Variants in PHLPP1 observed in about 807,000 individuals in gnomAD.
PHLPP1 encodes PH domain and leucine rich repeat protein phosphatase 1.
Under a neutral mutation model 117.2 loss-of-function variants are expected in PHLPP1, and 42 were observed. The ratio of observed to expected loss-of-function variants is 0.36; its 90% CI spans 0.28 to 0.46. The LOEUF is 0.46. Ranked by LOEUF, PHLPP1 falls within the 20% of genes least tolerant of loss-of-function variation. PHLPP1 has a pLI of 1.00. For missense variants in PHLPP1, 2,084 were observed against 2,241.9 expected, an observed-to-expected ratio of 0.93 and a Z score of 1.42; for synonymous variants, 1,042 against 970.7, an observed-to-expected ratio of 1.07 and a Z score of -1.37.
At chr18:62,864,672 GCTTT>G (rs1396141140) in intron 4 of PHLPP1, among the ~76,000 whole-genome samples, 1 of 152,092 alleles carries the variant, frequency 6.6e-6, no homozygotes, top group African/African-American at 2.4e-5. Flanking sequence ...AAATAAGAAG[GCTTT>G]CTATTAACTA....
At chr18:62,819,585 AAGAC>A (rs1914387264) in intron 1 of PHLPP1, among the ~76,000 whole-genome samples, 2 of 152,214 alleles carry the variant, frequency 1.3e-5, no homozygotes, top group Non-Finnish European at 1.5e-5. Flanking sequence ...TTTCAGTTAA[AAGAC>A]AGATTATCAG....
intron 9 of PHLPP1, 107 bp from the exon 10 acceptor site, chr18:62,919,852 A>G (rs1457985159): frequency 1.3e-6 from 1 of 759,048 alleles, no homozygotes; most frequent in Non-Finnish European, 2.2e-6. Flanking sequence ...AATTTATATT[A>G]AAATGAATTT....
intron 6 of PHLPP1, among the ~76,000 whole-genome samples, chr18:62,898,431 A>C (rs1239614036): frequency 6.6e-6 from 1 of 151,952 alleles, no homozygotes; most frequent in Non-Finnish European, 1.5e-5. Flanking sequence ...TTTTCTTCTC[A>C]CTGTGACTGT....
In PHLPP1 at chr18:62,972,524, G is replaced by T. The variant is rs769808334; in HGVS notation, c.3571G>T (p.Ala1191Ser). 2 of 1,612,292 alleles carry T rather than the reference G, an allele frequency of 1.2e-6. No individual in the cohort carries two copies. The highest frequency in any genetic ancestry group is 2.2e-5 in the East Asian group (1 of 44,888). ...GTGGTTGCCTTGCAGGTTGTGTGTC[G>T]CAGCCCTGTCGGTGAATAACTTCTG... is the stretch of plus-strand genomic sequence containing the variant. ...ASGVKNKLCV[A>S]ALSVNNFCDN... The change falls in exon 15 of 17, where the codon GCA (alanine) becomes TCA (serine). Residue 1191 changes from alanine to serine, a missense_variant. By Grantham distance (99) the Ala-to-Ser change is moderately conservative (BLOSUM62 1). Around this residue, in one of 2 missense-constraint regions of PHLPP1, gnomAD observed 1,365 missense variants for 1,605.9 expected, o/e 0.85. Coordinates refer to ENST00000262719, the MANE Select transcript of PHLPP1 (RefSeq NM_194449.4).
intron 1 of PHLPP1, among the ~76,000 whole-genome samples, chr18:62,772,581 G>C (rs756231654): frequency 1.3e-4 from 20 of 152,018 alleles, no homozygotes; most frequent in Non-Finnish European, 2.4e-4. Context: ...TGTAATCTCA[G>C]TACTTGGGGA....
At chr18:62,845,285 G>A (rs907835979) in intron 3 of PHLPP1, among the ~76,000 whole-genome samples, 2 of 152,070 alleles carry the variant, frequency 1.3e-5, no homozygotes, top group African/African-American at 2.4e-5. Context: ...ATTAACCATA[G>A]TGTTTAATTC....
chr18:62,901,134 A>C (rs547729647), intron 6 of PHLPP1, among the ~76,000 whole-genome samples: 2 of 152,282 alleles, frequency 1.3e-5, no homozygotes, highest in East Asian at 3.9e-4. Context: ...TACTAATACA[A>C]TTTCATTGTA....
chr18:62,926,955 C>G (rs1909646647), intron 10 of PHLPP1, among the ~76,000 whole-genome samples: 1 of 152,130 alleles, frequency 6.6e-6, no homozygotes, highest in South Asian at 2.1e-4. Context: ...TTCAGAAAAA[C>G]TGGGGAAGAG....
intron 1 of PHLPP1, among the ~76,000 whole-genome samples, chr18:62,749,140 TC>T (rs1180445168): frequency 1.3e-5 from 2 of 152,148 alleles, no homozygotes; most frequent in Admixed American, 1.3e-4. Flanking sequence ...ACTTTTTTAC[TC>T]CTGAAATTTT....
chr18:62,755,017 C>A (rs906776632), intron 1 of PHLPP1, among the ~76,000 whole-genome samples: 2 of 152,214 alleles, frequency 1.3e-5, no homozygotes, highest in African/African-American at 4.8e-5. Context: ...TCCAGGACCA[C>A]AGTAGGCTTC....
chr18:62,794,818 C>A (rs1913576876), intron 1 of PHLPP1, among the ~76,000 whole-genome samples: 1 of 152,170 alleles, frequency 6.6e-6, no homozygotes, highest in South Asian at 2.1e-4. Context: ...TATGTAAATG[C>A]TCCAAGTGGA....
rs745620055 is a variant in PHLPP1, at chr18:62,838,637, G to A, written c.1774-147G>A. ...TGTAATTCAAATTGGGTGATCATAT[G>A]CAGGAACTTAGTTCTCATTAATGAG... On this transcript the variant is annotated intron_variant, in intron 2 of 16. Coordinates refer to ENST00000262719, the MANE Select transcript of PHLPP1 (RefSeq NM_194449.4). 5 of 645,838 alleles carry A rather than the reference G, an allele frequency of 7.7e-6. No homozygotes were observed. In the East Asian group the frequency reaches 8.1e-5, roughly 11 times the overall value. 40.0% of individuals were successfully genotyped at this position (645,838 alleles called of 1,614,324 possible).
intron 1 of PHLPP1, among the ~76,000 whole-genome samples, chr18:62,795,287 T>G (rs1295615335): frequency 6.6e-6 from 1 of 151,848 alleles, no homozygotes; most frequent in Non-Finnish European, 1.5e-5. Flanking sequence ...CAACGAGCCT[T>G]GGCAACACGG....
At chr18:62,776,275 G>C (rs1912953179) in intron 1 of PHLPP1, among the ~76,000 whole-genome samples, 1 of 152,158 alleles carries the variant, frequency 6.6e-6, no homozygotes, top group African/African-American at 2.4e-5. Flanking sequence ...AAAATCTGTA[G>C]GGCAGGCTGG....
intron 7 of PHLPP1, among the ~76,000 whole-genome samples, chr18:62,904,965 T>C (rs1916808357): frequency 1.3e-5 from 2 of 152,200 alleles, no homozygotes; most frequent in Non-Finnish European, 2.9e-5. Flanking sequence ...TGCATAACAA[T>C]AAGAGCAACA....
intron 1 of PHLPP1, among the ~76,000 whole-genome samples, chr18:62,766,076 A>ATATATATATATATATATATATATATATAT (rs1555670395): frequency 1.4e-4 from 3 of 21,640 alleles, no homozygotes; most frequent in Admixed American, 7.9e-4. Context: ...AAAAAAAAAA[A>ATATATATATATATATATATATATATATAT]ATATATATAT....
chr18:62,821,325 A>G (rs920096890), intron 1 of PHLPP1, among the ~76,000 whole-genome samples: 10 of 152,062 alleles, frequency 6.6e-5, no homozygotes, highest in Admixed American at 5.9e-4. Flanking sequence ...AAAAAAATAA[A>G]TGAAACAAAA....
At chr18:62,950,296 G>GT (rs1910414182) in intron 12 of PHLPP1, among the ~76,000 whole-genome samples, 2 of 152,276 alleles carry the variant, frequency 1.3e-5, no homozygotes, top group Middle Eastern at 3.4e-3. Flanking sequence ...ACCTTAACTG[G>GT]GAAATGGAGT....
At chr18:62,749,312 C>T (rs564887633) in intron 1 of PHLPP1, among the ~76,000 whole-genome samples, 1 of 151,542 alleles carries the variant, frequency 6.6e-6, no homozygotes, top group South Asian at 2.1e-4. Flanking sequence ...GGAAAAAAGA[C>T]TCTTAAAAAA....
Sources: allele counts gnomAD v4.1 joint callset (sites outside exome capture counted in the v4.1 genomes callset), GRCh38; gene constraint gnomAD v4.1.1; regional missense constraint gnomAD v4.1.1; transcripts MANE v1.5; gene names NCBI Gene and HGNC (gene_info 2026-07-23, HGNC 2026-07-21).